TENM4: variants seen among roughly 807,000 people sequenced by gnomAD.
TENM4 encodes teneurin transmembrane protein 4, also known as teneurin-4.
A neutral mutation model predicts 243.3 loss-of-function variants in TENM4; 82 were observed. That is an observed-to-expected ratio of 0.34 (90% CI 0.28 to 0.40). The LOEUF (loss-of-function observed/expected upper bound fraction) is 0.40, where lower values mean the gene tolerates loss of function less well. TENM4 is among the 10% of genes least tolerant of loss of function. TENM4 has a pLI of 1.00. For synonymous variants in TENM4, 1,412 were observed against 1,456.3 expected (o/e 0.97, Z 0.69); for missense variants, 3,138 against 3,673.3 (o/e 0.85, Z 3.77).
rs1855625987 is a variant in TENM4 at position 78,889,966 on chromosome 11, T to G, written c.903A>C (p.Pro301=). Residue 301 remains proline (P), a synonymous_variant, in exon 9 of 34, where the codon CCA becomes CCC. Coordinates refer to ENST00000278550, the MANE Select transcript of TENM4 (RefSeq NM_001098816.3). ...GTSPLFCTTS[P]GYPLTSSTVY... is the part of the protein sequence containing the mutation. ...CTGTGCTGGACGTCAGTGGGTACCCTGGTGATGTGGTGCAGAAGAGCGGGG... is the reference window on the plus strand; with the variant it reads ...CTGTGCTGGACGTCAGTGGGTACCCGGGTGATGTGGTGCAGAAGAGCGGGG... The G allele has an allele frequency of 4.5e-6, 7 of 1,551,024 alleles. No homozygotes were observed. The highest frequency in any genetic ancestry group is 3.3e-4 in the Middle Eastern group (2 of 5,988).
rs574567948 is a variant in TENM4 at position 79,220,027 on chromosome 11, G to A, written c.-264-4118C>T. On this transcript the variant is annotated intron_variant, in intron 2 of 33. Transcript: ENST00000278550. ...TCTCGGCTAAGCCGTGGTACCCGGA[G>A]CAGTGGATACAGAAACCCGGGAGAA... 3.3e-5 allele frequency among the ~76,000 whole-genome samples: 5 copies of A among 152,334 alleles called. No homozygotes were observed. The East Asian group carries it at 9.6e-4, about 29-fold the overall frequency.
At chr11:78,891,486 A>G (rs1401285758) in intron 7 of TENM4, 150 bp from the exon 8 acceptor site, 1 of 671,630 alleles carries the variant, frequency 1.5e-6, no homozygotes, top group Non-Finnish European at 2.6e-6. Flanking sequence ...TGTGCAAGCC[A>G]CATGTGCAAG....
In TENM4 at chr11:79,085,289, A is replaced by G. The variant is rs1003313285; in HGVS notation, c.-65-15280T>C. 7.9e-5 allele frequency among the ~76,000 whole-genome samples: 12 copies of G among 151,206 alleles called. No homozygotes were observed. The South Asian group carries it at 1.3e-3, about 16-fold the overall frequency. On this transcript the variant is annotated intron_variant, in intron 4 of 33. Coordinates refer to ENST00000278550, the MANE Select transcript of TENM4 (RefSeq NM_001098816.3). ...CTACTCAGGAGGCTGAGGCAGGAGAATGGCGTGAACCCGGGAGGCGGAGCT... is the reference window on the plus strand; with the variant it reads ...CTACTCAGGAGGCTGAGGCAGGAGAGTGGCGTGAACCCGGGAGGCGGAGCT...
At chr11:78,979,801 G>A (rs551137059) in intron 6 of TENM4, among the ~76,000 whole-genome samples, 5 of 152,246 alleles carry the variant, frequency 3.3e-5, no homozygotes, top group South Asian at 2.1e-4. Flanking sequence ...GGTCTGTCCC[G>A]ACTCCCTGGG....
chr11:79,301,744 C>T (rs879939369), intron 1 of TENM4, among the ~76,000 whole-genome samples: 5 of 152,192 alleles, frequency 3.3e-5, no homozygotes, highest in South Asian at 4.1e-4. Flanking sequence ...GCACTATCCT[C>T]TTAGTACTGT....
chr11:79,429,572 T>A (rs1373696613), intron 1 of TENM4, among the ~76,000 whole-genome samples: 8 of 150,126 alleles, frequency 5.3e-5, no homozygotes, highest in Admixed American at 1.3e-4. Context: ...AAAAAAAAAA[T>A]GATGGAAGCA....
chr11:79,109,757 A>C (rs1449930701), intron 4 of TENM4, among the ~76,000 whole-genome samples: 2 of 152,204 alleles, frequency 1.3e-5, no homozygotes, highest in Non-Finnish European at 2.9e-5. Context: ...AGTGTTTATA[A>C]AGACAGTGGA....
At chr11:79,350,494 A>G (rs1857396496) in intron 1 of TENM4, among the ~76,000 whole-genome samples, 1 of 151,340 alleles carries the variant, frequency 6.6e-6, no homozygotes, top group African/African-American at 2.4e-5. Context: ...CAGTGGCACA[A>G]TCACAGCTCA....
chr11:79,278,546 C>T (rs1856100045), intron 2 of TENM4, among the ~76,000 whole-genome samples: 1 of 152,228 alleles, frequency 6.6e-6, no homozygotes. Flanking sequence ...TCTTCCCAGA[C>T]TCCAGACATC....
rs1409810109 is a variant in TENM4, at chr11:79,263,746, T to TA, written c.-265+33741dup. ...TTCCAATGTCTAACAGTAACCCTAG[T>TA]AACCCAGGACCAGCACCACTGTTAA... On this transcript the variant is annotated intron_variant, in intron 2 of 33. Transcript: ENST00000278550. Among the ~76,000 whole-genome samples, 4 of 152,264 alleles carry TA rather than the reference T, an allele frequency of 2.6e-5. No individual in the cohort carries two copies. In the East Asian group the frequency reaches 7.7e-4, roughly 29 times the overall value.
chr11:78,834,600 T>C (rs1306652321), intron 12 of TENM4, among the ~76,000 whole-genome samples: 5 of 152,222 alleles, frequency 3.3e-5, no homozygotes, highest in Admixed American at 6.5e-5. Context: ...TCCTTCCTTA[T>C]AGAGGAGATA....
intron 3 of TENM4, among the ~76,000 whole-genome samples, chr11:79,178,894 A>T (rs1863226539): frequency 6.6e-6 from 1 of 152,248 alleles, no homozygotes; most frequent in South Asian, 2.1e-4. Flanking sequence ...CATAGAAATG[A>T]TCCAGTCTTT....
intron 6 of TENM4, among the ~76,000 whole-genome samples, chr11:79,063,256 G>A (rs1211879398): frequency 6.6e-6 from 1 of 152,172 alleles, no homozygotes; most frequent in Non-Finnish European, 1.5e-5. Context: ...CCACTCAGTT[G>A]GAGCCTCCTC....
chr11:79,088,793 AC>A (rs1383223216), intron 4 of TENM4, among the ~76,000 whole-genome samples: 1 of 152,228 alleles, frequency 6.6e-6, no homozygotes, highest in Non-Finnish European at 1.5e-5. Context: ...ACAAATATGT[AC>A]TAGAAACCTA....
At chr11:78,728,143 G>T (rs949775845) in intron 22 of TENM4, among the ~76,000 whole-genome samples, 1 of 152,202 alleles carries the variant, frequency 6.6e-6, no homozygotes, top group Non-Finnish European at 1.5e-5. Context: ...GACAGAAGTG[G>T]CTTGATCTAC....
At chr11:79,026,051 G>A (rs545539611) in intron 6 of TENM4, among the ~76,000 whole-genome samples, 20 of 152,132 alleles carry the variant, frequency 1.3e-4, no homozygotes, top group Non-Finnish European at 2.4e-4. Flanking sequence ...GTGCTCCAAC[G>A]AGGGCAACGA....
At chr11:78,840,663 C>G (rs1013795442) in intron 12 of TENM4, among the ~76,000 whole-genome samples, 1 of 152,166 alleles carries the variant, frequency 6.6e-6, no homozygotes, top group Non-Finnish European at 1.5e-5. Flanking sequence ...TATACTCTTC[C>G]GCCCAGAGAA....
At chr11:79,051,957 C>G (rs771690560) in intron 6 of TENM4, among the ~76,000 whole-genome samples, 15 of 152,188 alleles carry the variant, frequency 9.9e-5, no homozygotes, top group Non-Finnish European at 1.6e-4. Flanking sequence ...TGATCTTGTT[C>G]CTTTTTATGG....
In TENM4 at chr11:78,729,781, G is replaced by C. The variant is rs1330529726; in HGVS notation, c.3139-138C>G. The C allele has an allele frequency of 2.6e-6, 3 of 1,156,782 alleles. No individual in the cohort carries two copies. The East Asian group carries it at 7.3e-5, about 28-fold the overall frequency. The allele number at this position is 1,156,782 out of a possible 1,614,324, so 71.7% of individuals were successfully genotyped here. A position where few individuals can be genotyped will look rare whatever the true frequency, so the allele number is the denominator to read the frequency against. On this transcript the variant is annotated intron_variant, in intron 21 of 33. Transcript: ENST00000278550. ...AGGAGAGAGGAGGGGAAAAAAAGAG[G>C]AGACAGTGGAAAGAAGAGGGGAAGC...
Sources: allele counts gnomAD v4.1 joint callset (sites outside exome capture counted in the v4.1 genomes callset), GRCh38; gene constraint gnomAD v4.1.1; transcripts MANE v1.5; gene names NCBI Gene and HGNC (gene_info 2026-07-23, HGNC 2026-07-21).